The following SAMD12 variants were observed in gnomAD, a reference collection of about 807,000 sequenced individuals.
SAMD12 encodes sterile alpha motif domain containing 12, also known as sterile alpha motif domain-containing protein 12.
Under a neutral mutation model 15.0 loss-of-function variants are expected in SAMD12, and 9 were observed. The ratio of observed to expected loss-of-function variants is 0.60; its 90% CI spans 0.36 to 1.05. The LOEUF is 1.05. Among genes scored for constraint, SAMD12 ranks in the 50% least tolerant of loss-of-function variants. SAMD12 has a pLI of 0.01. For synonymous variants in SAMD12, 86 were observed against 90.1 expected (o/e 0.96, Z 0.25); for missense variants, 230 against 234.2 (o/e 0.98, Z 0.12).
chr8:118,145,993 G>A, the SAMD12 span, among the ~76,000 whole-genome samples: 64 of 152,316 alleles, frequency 4.2e-4, no homozygotes, highest in East Asian at 0.011. Flanking sequence ...TCAAAGCGAT[G>A]CAACCCCATG....
At chr8:118,591,550 C>A (rs1018799033) in intron 1 of SAMD12, among the ~76,000 whole-genome samples, 25 of 152,092 alleles carry the variant, frequency 1.6e-4, no homozygotes, top group African/African-American at 5.8e-4. Context: ...TACATGCTAA[C>A]AATTTTAATA....
intron 3 of SAMD12, among the ~76,000 whole-genome samples, chr8:118,431,209 T>C (rs747841214): frequency 1.3e-5 from 2 of 152,212 alleles, no homozygotes; most frequent in Non-Finnish European, 2.9e-5. Flanking sequence ...GTTATTCATT[T>C]TACTTATCTA....
chr8:118,574,667 G>A (rs868492783), intron 2 of SAMD12, among the ~76,000 whole-genome samples: 38 of 152,102 alleles, frequency 2.5e-4, no homozygotes, highest in Admixed American at 6.6e-4. Context: ...CTGTAGTTTC[G>A]TTTGAGCCCT....
At chr8:118,153,506 T>G in the SAMD12 span, among the ~76,000 whole-genome samples, 1 of 152,180 alleles carries the variant, frequency 6.6e-6, no homozygotes, top group African/African-American at 2.4e-5. Flanking sequence ...TATAATCTAT[T>G]TCCTTCTGCA....
At chr8:118,188,839 C>G (rs528884283), downstream of SAMD12, among the ~76,000 whole-genome samples, 1 of 151,730 alleles carries the variant, frequency 6.6e-6, no homozygotes, top group Admixed American at 6.6e-5. Flanking sequence ...GAGGGTATTG[C>G]GGATGTTTGC....
At chr8:118,257,756 A>G (rs1045484208) in intron 4 of SAMD12, among the ~76,000 whole-genome samples, 1 of 152,056 alleles carries the variant, frequency 6.6e-6, no homozygotes, top group African/African-American at 2.4e-5. Flanking sequence ...GAATCACACC[A>G]TCTGGAAGTC....
At chr8:118,264,744 T>A (rs11562785) in intron 4 of SAMD12, among the ~76,000 whole-genome samples, 3,329 of 152,150 alleles carry the variant, frequency 0.022, 139 homozygotes, top group African/African-American at 0.076. Flanking sequence ...TGGAGAACTG[T>A]TGGACAAGGG....
intron 1 of SAMD12, among the ~76,000 whole-genome samples, chr8:118,617,932 T>C (rs1269923228): frequency 6.6e-6 from 1 of 152,126 alleles, no homozygotes; most frequent in African/African-American, 2.4e-5. Flanking sequence ...ACACAGTCTG[T>C]CCATAGAGAA....
rs1299699452 is a variant in SAMD12, at chr8:118,469,104, A to G, written c.193-29143T>C. 5.3e-5 allele frequency among the ~76,000 whole-genome samples: 8 copies of G among 151,994 alleles called. No individual in the cohort carries two copies. In the East Asian group the frequency reaches 1.6e-3, roughly 29 times the overall value. The stretch of plus-strand genomic sequence containing the variant: ...AGGTTCAGTCTTCCGCCCTTCCTCC[A>G]CACAGCAGCCAGAAGTCCCCTTGTC... On this transcript the variant is annotated intron_variant, in intron 2 of 3. Transcript: ENST00000314727.
At chr8:118,433,060 G>T (rs1373143048) in intron 3 of SAMD12, among the ~76,000 whole-genome samples, 1 of 152,230 alleles carries the variant, frequency 6.6e-6, no homozygotes, top group East Asian at 1.9e-4. Context: ...TACCTATATT[G>T]TAAGGGGGAC....
chr8:118,413,166 A>G (rs1343418340), intron 3 of SAMD12, among the ~76,000 whole-genome samples: 2 of 152,160 alleles, frequency 1.3e-5, no homozygotes, highest in Non-Finnish European at 2.9e-5. Flanking sequence ...CAAGACCAGA[A>G]GGTCCACTCA....
At chr8:118,500,818 A>G (rs1026827900) in intron 2 of SAMD12, among the ~76,000 whole-genome samples, 1 of 152,134 alleles carries the variant, frequency 6.6e-6, no homozygotes, top group Non-Finnish European at 1.5e-5. Flanking sequence ...ATAAATAAAT[A>G]ATCAATTGTT....
intron 4 of SAMD12, among the ~76,000 whole-genome samples, chr8:118,258,438 GT>G (rs376224596): frequency 6.0e-5 from 9 of 149,020 alleles, no homozygotes; most frequent in African/African-American, 1.8e-4. Context: ...TCATTCATAT[GT>G]TTCCTTCCAC....
intron 4 of SAMD12, among the ~76,000 whole-genome samples, chr8:118,343,578 G>A (rs1222145260): frequency 6.6e-6 from 1 of 152,152 alleles, no homozygotes; most frequent in African/African-American, 2.4e-5. Flanking sequence ...GAGCAAATTT[G>A]TGATCTTGTA....
intron 2 of SAMD12, among the ~76,000 whole-genome samples, chr8:118,462,659 A>C (rs1238454165): frequency 1.3e-5 from 2 of 152,210 alleles, no homozygotes; most frequent in Non-Finnish European, 2.9e-5. Context: ...AAGCAAGCGA[A>C]CCTGACACCA....
At chr8:118,551,318 C>A (rs1826327459) in intron 2 of SAMD12, among the ~76,000 whole-genome samples, 1 of 152,078 alleles carries the variant, frequency 6.6e-6, no homozygotes, top group African/African-American at 2.4e-5. Context: ...GAAATTATAA[C>A]AAACTGTCTC....
At chr8:118,347,574 T>A (rs1349962685) in intron 4 of SAMD12, among the ~76,000 whole-genome samples, 1 of 152,236 alleles carries the variant, frequency 6.6e-6, no homozygotes, top group Admixed American at 6.5e-5. Context: ...ATTAGCATAT[T>A]AAAGGGTTTG....
rs552522807 is a variant in SAMD12 at position 118,270,396 on chromosome 8, G to A, written c.434-72664C>T. Among the ~76,000 whole-genome samples the A allele has an allele frequency of 6.6e-5, 10 of 152,194 alleles. No individual in the cohort carries two copies. In the East Asian group the frequency reaches 1.2e-3, roughly 18 times the overall value. On this transcript the variant is annotated intron_variant, in intron 4 of 4. Coordinates refer to the SAMD12 transcript ENST00000409003. Reference sequence around the variant, plus strand: ...TTTGATCAATGCCCAAGAAGTAGCCGAGTCCTCTTGCTATATATTTCCATT... The same window carrying A: ...TTTGATCAATGCCCAAGAAGTAGCCAAGTCCTCTTGCTATATATTTCCATT...
intron 2 of SAMD12, among the ~76,000 whole-genome samples, chr8:118,447,213 T>C (rs2130906042): frequency 6.6e-6 from 1 of 152,286 alleles, no homozygotes; most frequent in African/African-American, 2.4e-5. Context: ...TTGGAAACAC[T>C]GTCATGCCAC....
Sources: allele counts gnomAD v4.1 joint callset (sites outside exome capture counted in the v4.1 genomes callset), GRCh38; gene constraint gnomAD v4.1.1; transcripts MANE v1.5; gene names NCBI Gene and HGNC (gene_info 2026-07-23, HGNC 2026-07-21).